The following PPARGC1A variants were observed in gnomAD, a reference collection of about 807,000 sequenced individuals.
The protein encoded by PPARGC1A is PPARG coactivator 1 alpha.
Under a neutral mutation model 88.7 loss-of-function variants are expected in PPARGC1A, and 25 were observed. The ratio of observed to expected loss-of-function variants is 0.28; its 90% CI spans 0.21 to 0.39. The LOEUF (loss-of-function observed/expected upper bound fraction) is 0.39. Ranked by LOEUF, PPARGC1A falls within the 10% of genes least tolerant of loss-of-function variation. PPARGC1A has a pLI of 1.00. For missense variants in PPARGC1A, 880 were observed against 968.7 expected, an observed-to-expected ratio of 0.91 and a Z score of 1.22; for synonymous variants, 363 against 355.6, an observed-to-expected ratio of 1.02 and a Z score of -0.24.
chr4:23,951,435 T>C, the PPARGC1A span, among the ~76,000 whole-genome samples: 2 of 152,126 alleles, frequency 1.3e-5, no homozygotes, highest in African/African-American at 4.8e-5. Flanking sequence ...CACCCATGAA[T>C]AGGAGATATA....
At chr4:23,953,725 G>A in the PPARGC1A span, among the ~76,000 whole-genome samples, 3 of 151,884 alleles carry the variant, frequency 2.0e-5, no homozygotes, top group Non-Finnish European at 4.4e-5. Flanking sequence ...CAGAATACTT[G>A]GGAACAAAAG....
chr4:23,949,193 GTACT>G, the PPARGC1A span, among the ~76,000 whole-genome samples: 2 of 152,100 alleles, frequency 1.3e-5, no homozygotes, highest in Non-Finnish European at 2.9e-5. Flanking sequence ...GAGTATGTAT[GTACT>G]ACATACATAG....
Position 23,831,714 on chromosome 4 carries a change from A to G in PPARGC1A, c.272T>C (p.Val91Ala). 6.2e-7 allele frequency: 1 copy of G among 1,613,886 alleles called. No individual in the cohort carries two copies. Residue 91 changes from valine to alanine, a missense_variant, in exon 3 of 13, where the codon GTC (valine) becomes GCC (alanine). Transcript: ENST00000264867. The stretch of plus-strand genomic sequence containing the variant: ...GAGACTGTCTAGTGTCTCTGTGAGG[A>G]CTGCTAGCAAGTTTGCCTCATTCTC... Reference protein sequence around the residue: ...DEENEANLLAVLTETLDSLPV... With the variant: ...DEENEANLLAALTETLDSLPV...
chr4:24,259,623 A>G, the PPARGC1A span, among the ~76,000 whole-genome samples: 1 of 152,214 alleles, frequency 6.6e-6, no homozygotes, highest in Non-Finnish European at 1.5e-5. Flanking sequence ...GTACAGTTAC[A>G]TCCTAGCCTA....
chr4:24,154,956 C>G, the PPARGC1A span, among the ~76,000 whole-genome samples: 4 of 152,084 alleles, frequency 2.6e-5, no homozygotes, highest in African/African-American at 9.7e-5. Flanking sequence ...CAGATATCCT[C>G]TGGTCAAGTG....
At chr4:24,420,305 G>A in the PPARGC1A span, among the ~76,000 whole-genome samples, 1 of 152,186 alleles carries the variant, frequency 6.6e-6, no homozygotes, top group Non-Finnish European at 1.5e-5. Context: ...AATAGTTTGT[G>A]ATGGGATGTG....
chr4:24,272,404 A>T, the PPARGC1A span, among the ~76,000 whole-genome samples: 1 of 152,242 alleles, frequency 6.6e-6, no homozygotes, highest in Admixed American at 6.5e-5. Flanking sequence ...TTCAATCCCT[A>T]ACAGGTGAAT....
the PPARGC1A span, among the ~76,000 whole-genome samples, chr4:24,125,204 T>C: frequency 6.6e-6 from 1 of 152,164 alleles, no homozygotes; most frequent in Non-Finnish European, 1.5e-5. Flanking sequence ...CTTAAATTAA[T>C]AGTGATGGGA....
chr4:24,340,680 C>G, the PPARGC1A span, among the ~76,000 whole-genome samples: 1 of 152,008 alleles, frequency 6.6e-6, no homozygotes, highest in African/African-American at 2.4e-5. Context: ...GCCATGATGG[C>G]AGATTTTTTT....
chr4:23,945,635 C>T, the PPARGC1A span, among the ~76,000 whole-genome samples: 1 of 152,132 alleles, frequency 6.6e-6, no homozygotes, highest in Admixed American at 6.6e-5. Flanking sequence ...GTGATCTTAG[C>T]AGGAGGGACG....
At chr4:24,253,207 G>T in the PPARGC1A span, among the ~76,000 whole-genome samples, 2 of 152,116 alleles carry the variant, frequency 1.3e-5, no homozygotes, top group Non-Finnish European at 2.9e-5. Context: ...TAAAAACAAG[G>T]TTCAAGCAGC....
At chr4:24,234,849 C>T in the PPARGC1A span, among the ~76,000 whole-genome samples, 3 of 152,166 alleles carry the variant, frequency 2.0e-5, no homozygotes, top group Admixed American at 1.3e-4. Flanking sequence ...GTAAGATATG[C>T]TTTTCTTTTC....
At chr4:24,116,589 T>C in the PPARGC1A span, among the ~76,000 whole-genome samples, 1,760 of 152,290 alleles carry the variant, frequency 0.012, 28 homozygotes, top group South Asian at 0.07. Flanking sequence ...TAGAAGCTGA[T>C]TGTGAGCACA....
the PPARGC1A span, among the ~76,000 whole-genome samples, chr4:24,261,027 T>C: frequency 1.3e-5 from 2 of 152,176 alleles, no homozygotes; most frequent in Non-Finnish European, 2.9e-5. Context: ...TGGGTATTCC[T>C]ATTCCAACCA....
At chr4:23,805,833 T>C (rs1719705434) in intron 10 of PPARGC1A, among the ~76,000 whole-genome samples, 1 of 152,128 alleles carries the variant, frequency 6.6e-6, no homozygotes, top group African/African-American at 2.4e-5. Context: ...GCAAAGAAAT[T>C]GCTCAACTAC....
chr4:24,398,523 T>C, the PPARGC1A span, among the ~76,000 whole-genome samples: 1 of 152,258 alleles, frequency 6.6e-6, no homozygotes, highest in Non-Finnish European at 1.5e-5. Context: ...ATTTTGTTCA[T>C]GTTTTCAGTT....
At chr4:24,074,649 C>A in the PPARGC1A span, among the ~76,000 whole-genome samples, 5 of 152,092 alleles carry the variant, frequency 3.3e-5, no homozygotes, top group Non-Finnish European at 7.4e-5. Context: ...ATCAGCCTTG[C>A]CCTTTCATTC....
chr4:24,354,212 C>T, the PPARGC1A span, among the ~76,000 whole-genome samples: 1 of 152,116 alleles, frequency 6.6e-6, no homozygotes, highest in Non-Finnish European at 1.5e-5. Context: ...GAAATATGCT[C>T]CAATTTTAAG....
At chr4:24,150,455 G>GA in the PPARGC1A span, among the ~76,000 whole-genome samples, 2 of 152,214 alleles carry the variant, frequency 1.3e-5, no homozygotes, top group South Asian at 4.1e-4. Flanking sequence ...ACAACGTTCA[G>GA]AAAAAAACTC....
Sources: gnomAD v4.1 joint callset for allele counts (sites outside exome capture counted in the v4.1 genomes callset) on GRCh38, gnomAD v4.1.1 for gene constraint, MANE v1.5 for transcripts, NCBI Gene and HGNC (gene_info 2026-07-23, HGNC 2026-07-21) for gene names.